The following KCNC2 variants were observed in gnomAD, a reference collection of about 807,000 sequenced individuals.
The protein encoded by KCNC2 is potassium voltage-gated channel subfamily C member 2, also known as voltage-gated potassium channel KCNC2.
A neutral mutation model predicts 44.5 loss-of-function variants in KCNC2; 21 were observed. That is an observed-to-expected ratio of 0.47 (90% CI 0.33 to 0.68). KCNC2 has a LOEUF of 0.68. KCNC2 is among the 30% of genes least tolerant of loss of function. KCNC2 has a pLI of 0.01. For synonymous variants in KCNC2, 391 were observed against 339.1 expected, an observed-to-expected ratio of 1.15 and a Z score of -1.68; for missense variants, 589 against 826.2, an observed-to-expected ratio of 0.71 and a Z score of 3.52.
At chr12:75,176,254 C>T (rs1053606416) in intron 2 of KCNC2, among the ~76,000 whole-genome samples, 1 of 152,046 alleles carries the variant, frequency 6.6e-6, no homozygotes, top group African/African-American at 2.4e-5. Context: ...CACTGTCATC[C>T]ACTCCAGCCC....
chr12:75,082,522 A>AT (rs148537576), intron 2 of KCNC2, among the ~76,000 whole-genome samples: 45 of 137,828 alleles, frequency 3.3e-4, no homozygotes, highest in East Asian at 6.1e-4. Flanking sequence ...CACCCACGAG[A>AT]TTTTTTTTTT....
At chr12:75,062,636 C>A (rs115351213) in intron 2 of KCNC2, among the ~76,000 whole-genome samples, 2,075 of 151,986 alleles carry the variant, frequency 0.014, 41 homozygotes, top group African/African-American at 0.043. Flanking sequence ...CTGAGTGCTT[C>A]CTTTCCCAGA....
At chr12:75,118,740 T>C (rs1364903370) in intron 2 of KCNC2, among the ~76,000 whole-genome samples, 1 of 152,046 alleles carries the variant, frequency 6.6e-6, no homozygotes, top group Non-Finnish European at 1.5e-5. Context: ...TAATATGGAG[T>C]AAGTGAGGTA....
At chr12:75,089,838 G>A (rs1190829191) in intron 2 of KCNC2, among the ~76,000 whole-genome samples, 2 of 151,752 alleles carry the variant, frequency 1.3e-5, no homozygotes, top group African/African-American at 4.8e-5. Context: ...GGTTACATGA[G>A]TCACATTTCA....
intron 2 of KCNC2, among the ~76,000 whole-genome samples, chr12:75,186,900 C>T (rs1420194536): frequency 6.6e-6 from 1 of 152,198 alleles, no homozygotes; most frequent in Non-Finnish European, 1.5e-5. Context: ...TCTTACATCT[C>T]AGTCCTTCAG....
At chr12:75,136,630 A>G (rs974281561) in intron 2 of KCNC2, among the ~76,000 whole-genome samples, 1 of 152,156 alleles carries the variant, frequency 6.6e-6, no homozygotes, top group Admixed American at 6.5e-5. Context: ...GAAGAACTAT[A>G]AACCCTGAAC....
intron 2 of KCNC2, among the ~76,000 whole-genome samples, chr12:75,076,565 C>T (rs917429934): frequency 1.3e-5 from 2 of 152,166 alleles, no homozygotes; most frequent in Admixed American, 6.5e-5. Flanking sequence ...AGCCACCGCG[C>T]CTGGCCTCAG....
chr12:75,061,609 ACAC>A (rs1565819899), intron 2 of KCNC2, among the ~76,000 whole-genome samples: 12 of 125,872 alleles, frequency 9.5e-5, no homozygotes, highest in Non-Finnish European at 1.8e-4. Flanking sequence ...ACACACACAC[ACAC>A]AAAACACAGA....
intron 2 of KCNC2, among the ~76,000 whole-genome samples, chr12:75,127,032 TA>T (rs956082435): frequency 3.3e-5 from 5 of 152,188 alleles, no homozygotes; most frequent in Non-Finnish European, 7.4e-5. Context: ...CTAGTTAATG[TA>T]TTGTGTATTT....
intron 2 of KCNC2, among the ~76,000 whole-genome samples, chr12:75,197,401 C>T (rs1371660971): frequency 1.3e-5 from 2 of 151,948 alleles, no homozygotes; most frequent in East Asian, 3.9e-4. Context: ...CACTGACCTT[C>T]CCCTTGATTT....
At chr12:75,067,883 A>C (rs1316444161) in intron 2 of KCNC2, among the ~76,000 whole-genome samples, 1 of 152,104 alleles carries the variant, frequency 6.6e-6, no homozygotes, top group East Asian at 1.9e-4. Context: ...AGGGCAAAAA[A>C]AAAACATACT....
intron 2 of KCNC2, among the ~76,000 whole-genome samples, chr12:75,092,813 A>G (rs891670664): frequency 1.3e-5 from 2 of 151,710 alleles, no homozygotes; most frequent in South Asian, 4.1e-4. Flanking sequence ...TCAGTCCAAA[A>G]TATAATATTC....
chr12:75,044,436 A>G (rs994377019), intron 4 of KCNC2: 3 of 151,414 alleles, frequency 2.0e-5, no homozygotes, highest in Non-Finnish European at 3.0e-5. Context: ...GTGTGTGAGA[A>G]AAAAAAAATG....
chr12:75,156,409 G>A (rs7953629), intron 2 of KCNC2, among the ~76,000 whole-genome samples: 21,961 of 151,658 alleles, frequency 0.14, 1,849 homozygotes, highest in Middle Eastern at 0.28. Context: ...TTGCAGTCAC[G>A]CTCATTCTTT....
intron 2 of KCNC2, among the ~76,000 whole-genome samples, chr12:75,091,087 T>G (rs910917470): frequency 1.3e-5 from 2 of 151,706 alleles, no homozygotes; most frequent in African/African-American, 2.4e-5. Context: ...GCATAGATTT[T>G]CATTGTGCTT....
chr12:75,043,010 C>T lies in KCNC2; in HGVS notation c.*95G>A. On this transcript the variant is annotated 3_prime_UTR_variant, in exon 5 of 5. Transcript: ENST00000549446. ...CAAGATTTATACTGTATTAATGGAG[C>T]CTGGAGTAACTCTACATTTAATTAT... 1 of 1,549,608 alleles carries T rather than the reference C, an allele frequency of 6.5e-7. No homozygotes were observed. The highest frequency in any genetic ancestry group is 8.7e-7 in the Non-Finnish European group (1 of 1,149,510).
chr12:75,188,822 G>A (rs1474028975), intron 2 of KCNC2, among the ~76,000 whole-genome samples: 1 of 151,626 alleles, frequency 6.6e-6, no homozygotes, highest in Non-Finnish European at 1.5e-5. Flanking sequence ...TCATGCCACT[G>A]CACTCACTGC....
chr12:75,177,885 C>T (rs1269718329), intron 2 of KCNC2, among the ~76,000 whole-genome samples: 1 of 151,888 alleles, frequency 6.6e-6, no homozygotes, highest in Non-Finnish European at 1.5e-5. Flanking sequence ...GTGGAAACTT[C>T]AACAAAGTTG....
chr12:75,091,437 A>G (rs1036217657), intron 2 of KCNC2, among the ~76,000 whole-genome samples: 5 of 151,710 alleles, frequency 3.3e-5, no homozygotes, highest in Admixed American at 1.3e-4. Flanking sequence ...TGGCAAGTCA[A>G]TCTTGAATTT....
Sources: allele counts gnomAD v4.1 joint callset (sites outside exome capture counted in the v4.1 genomes callset), GRCh38; gene constraint gnomAD v4.1.1; transcripts MANE v1.5; gene names NCBI Gene and HGNC (gene_info 2026-07-23, HGNC 2026-07-21).